The following EPHA6 variants were observed in gnomAD, a reference collection of about 807,000 sequenced individuals.
EPHA6 encodes the protein EPH receptor A6, also known as ephrin type-A receptor 6.
In EPHA6, 50 loss-of-function variants were observed where a neutral mutation model predicts 112.0. The observed-to-expected ratio is 0.45, with a 90% confidence interval of 0.36 to 0.56. EPHA6 has a LOEUF of 0.56. Ranked by LOEUF, EPHA6 falls within the 20% of genes least tolerant of loss-of-function variation. The probability of loss-of-function intolerance (pLI) is 0.00; values close to 1 mark genes in which losing one functional copy is unlikely to be tolerated. For synonymous variants in EPHA6, 529 were observed against 490.7 expected (o/e 1.08, Z -1.03); for missense variants, 1,280 against 1,417.4 (o/e 0.90, Z 1.56).
intron 16 of EPHA6, among the ~76,000 whole-genome samples, chr3:97,745,791 C>T (rs574135293): frequency 1.3e-5 from 2 of 151,900 alleles, no homozygotes; most frequent in Admixed American, 6.6e-5. Flanking sequence ...CTAAAAGACT[C>T]GGGTCCTGGT....
intron 5 of EPHA6, among the ~76,000 whole-genome samples, chr3:97,268,771 TTAGAG>T (rs2079782031): frequency 2.6e-5 from 4 of 152,144 alleles, no homozygotes; most frequent in African/African-American, 7.2e-5. Flanking sequence ...AGCTCTATCT[TTAGAG>T]GAGAAGATAT....
At chr3:96,988,559 AATT>A (rs1481603255) in intron 3 of EPHA6, among the ~76,000 whole-genome samples, 2 of 152,194 alleles carry the variant, frequency 1.3e-5, no homozygotes, top group African/African-American at 4.8e-5. Context: ...ACTTAAATAG[AATT>A]ATATTTAAAT....
intron 10 of EPHA6, among the ~76,000 whole-genome samples, chr3:97,494,539 T>C (rs1053257836): frequency 6.6e-6 from 1 of 152,196 alleles, no homozygotes; most frequent in African/African-American, 2.4e-5. Flanking sequence ...CCTTTACTCC[T>C]TCATGATTGT....
At chr3:96,894,670 G>C (rs773852246) in intron 2 of EPHA6, among the ~76,000 whole-genome samples, 5 of 152,176 alleles carry the variant, frequency 3.3e-5, no homozygotes, top group Non-Finnish European at 7.3e-5. Context: ...GAATGTATAT[G>C]ATGCAAACAT....
chr3:97,291,840 G>A (rs1297452791), intron 5 of EPHA6, among the ~76,000 whole-genome samples: 1 of 152,130 alleles, frequency 6.6e-6, no homozygotes, highest in African/African-American at 2.4e-5. Context: ...TCTTTAGGGT[G>A]TCACTTCACC....
At chr3:97,315,903 G>C (rs2081807299) in intron 5 of EPHA6, among the ~76,000 whole-genome samples, 1 of 151,692 alleles carries the variant, frequency 6.6e-6, no homozygotes, top group Admixed American at 6.6e-5. Flanking sequence ...CTATAAGTTT[G>C]TATAGAATTT....
intron 1 of EPHA6, among the ~76,000 whole-genome samples, chr3:96,820,661 G>T (rs74804379): frequency 0.013 from 2,026 of 152,092 alleles, 45 homozygotes; most frequent in African/African-American, 0.044. Flanking sequence ...TTTTCCACTT[G>T]ATTCAGTTCA....
chr3:97,148,838 A>G (rs1394449098), intron 3 of EPHA6, among the ~76,000 whole-genome samples: 1 of 152,004 alleles, frequency 6.6e-6, no homozygotes, highest in African/African-American at 2.4e-5. Context: ...GAAACATTCC[A>G]TTTCCTTATA....
chr3:97,402,767 C>T (rs1411808481), intron 5 of EPHA6, among the ~76,000 whole-genome samples: 1 of 152,076 alleles, frequency 6.6e-6, no homozygotes, highest in Non-Finnish European at 1.5e-5. Context: ...ATAATGTTCC[C>T]ATTGAACAGC....
intron 14 of EPHA6, among the ~76,000 whole-genome samples, chr3:97,695,091 A>C (rs1452443178): frequency 6.6e-5 from 10 of 152,208 alleles, no homozygotes; most frequent in Non-Finnish European, 1.5e-4. Flanking sequence ...TGTGATGATG[A>C]ATTATGATAA....
rs573985445 is a variant in EPHA6, at chr3:97,463,095, T to A, written c.1895-12257T>A. Reference sequence around the variant, plus strand: ...ATTTCATGTTTTAAACAAAAAAAGATGAATTTTTAAAAATTATTATTATAC... The same window carrying A: ...ATTTCATGTTTTAAACAAAAAAAGAAGAATTTTTAAAAATTATTATTATAC... On this transcript the variant is annotated intron_variant, in intron 7 of 17. Transcript: ENST00000389672. Among the ~76,000 whole-genome samples, 136 of 152,304 alleles carry A rather than the reference T, an allele frequency of 8.9e-4. 1 individual carries two copies. Among genetic ancestry groups the A allele is most frequent in the South Asian group, 3.7e-3 (18 of 4,826 alleles).
chr3:97,526,002 G>C (rs1444468842), intron 10 of EPHA6, among the ~76,000 whole-genome samples: 1 of 152,198 alleles, frequency 6.6e-6, no homozygotes, highest in African/African-American at 2.4e-5. Context: ...TGGTGGCTGA[G>C]ATGGGCTTAA....
At chr3:97,484,199 G>A (rs2091640067) in intron 10 of EPHA6, 140 bp downstream of exon 10, 1 of 670,918 alleles carries the variant, frequency 1.5e-6, no homozygotes, top group Non-Finnish European at 2.2e-6. Context: ...TCTTGTATAT[G>A]TTATTTTTTT....
chr3:97,690,318 A>C lies in EPHA6; in HGVS notation c.2785-29943A>C, dbSNP rs572430632. ...TCCTGGCTAACACCTGTTGTTGTCT[A>C]TCTTTTTCATTATAGCCATTTCTAA... On this transcript the variant is annotated intron_variant, in intron 14 of 17. Coordinates refer to ENST00000389672, the MANE Select transcript of EPHA6 (RefSeq NM_001080448.3). Among the ~76,000 whole-genome samples, 27 of 152,294 alleles carry C rather than the reference A, an allele frequency of 1.8e-4. 1 individual carries two copies. The South Asian group carries it at 3.9e-3, about 22-fold the overall frequency.
intron 3 of EPHA6, among the ~76,000 whole-genome samples, chr3:97,017,298 A>C (rs2044297361): frequency 6.6e-6 from 1 of 152,126 alleles, no homozygotes; most frequent in African/African-American, 2.4e-5. Context: ...TGTGTCTGGG[A>C]GAGGGGCAGT....
intron 1 of EPHA6, among the ~76,000 whole-genome samples, chr3:96,832,590 G>T (rs1450866995): frequency 6.6e-6 from 1 of 151,920 alleles, no homozygotes; most frequent in East Asian, 1.9e-4. Flanking sequence ...TTTGGTTATT[G>T]CCATTGGCCT....
chr3:97,117,699 A>G (rs1345755488), intron 3 of EPHA6, among the ~76,000 whole-genome samples: 6 of 151,758 alleles, frequency 4.0e-5, no homozygotes. Flanking sequence ...TACTAGTACC[A>G]TGCTGTTTTG....
intron 3 of EPHA6, among the ~76,000 whole-genome samples, chr3:97,161,760 A>G (rs2076421210): frequency 6.6e-6 from 1 of 152,186 alleles, no homozygotes; most frequent in African/African-American, 2.4e-5. Context: ...CTGACACAGA[A>G]ATGTCTTACC....
intron 10 of EPHA6, among the ~76,000 whole-genome samples, chr3:97,486,446 A>G (rs2091700598): frequency 6.6e-6 from 1 of 152,216 alleles, no homozygotes; most frequent in African/African-American, 2.4e-5. Flanking sequence ...AGAATGCCTC[A>G]CATGGGGTAG....
Sources: allele counts gnomAD v4.1 joint callset (sites outside exome capture counted in the v4.1 genomes callset), GRCh38; gene constraint gnomAD v4.1.1; transcripts MANE v1.5; gene names NCBI Gene and HGNC (gene_info 2026-07-23, HGNC 2026-07-21).